RBM47: variants seen among roughly 807,000 people sequenced by gnomAD.
RBM47 encodes the protein RNA binding motif protein 47.
Under a neutral mutation model 47.1 loss-of-function variants are expected in RBM47, and 21 were observed. The observed-to-expected ratio is 0.45, with a 90% CI of 0.32 to 0.64. The LOEUF (loss-of-function observed/expected upper bound fraction) is 0.64. Among genes scored for constraint, RBM47 ranks in the 30% least tolerant of loss-of-function variants. RBM47 has a pLI of 0.05. For missense variants in RBM47, 708 were observed against 870.9 expected (o/e 0.81, Z 2.35); for synonymous variants, 375 against 361.7 (o/e 1.04, Z -0.42).
chr4:40,592,964 TATATATATATATATA>T (rs1358122333), intron 1 of RBM47, among the ~76,000 whole-genome samples: 18 of 17,170 alleles, frequency 1.0e-3, no homozygotes, highest in African/African-American at 3.2e-3. Flanking sequence ...TATATATATA[TATATATATATATATA>T]TTTTTTTTTT....
intron 2 of RBM47, among the ~76,000 whole-genome samples, chr4:40,497,935 G>A (rs1722830099): frequency 6.6e-6 from 1 of 150,752 alleles, no homozygotes; most frequent in South Asian, 2.1e-4. Flanking sequence ...AGGTTTCAGG[G>A]GGCCATGATC....
At chr4:40,499,610 G>A (rs1233814006) in intron 2 of RBM47, among the ~76,000 whole-genome samples, 1 of 152,024 alleles carries the variant, frequency 6.6e-6, no homozygotes, top group Admixed American at 6.6e-5. Flanking sequence ...GGGTTTCACC[G>A]TGTTGGCCAG....
At chr4:40,435,076 A>T (rs190847422) in intron 5 of RBM47, among the ~76,000 whole-genome samples, 7 of 152,184 alleles carry the variant, frequency 4.6e-5, no homozygotes, top group Admixed American at 1.3e-4. Context: ...GACCGGCCTC[A>T]CATTAGATGG....
chr4:40,575,506 C>G (rs1401124567), intron 1 of RBM47, among the ~76,000 whole-genome samples: 1 of 142,020 alleles, frequency 7.0e-6, no homozygotes, highest in African/African-American at 2.7e-5. Flanking sequence ...GAGTCGAGAT[C>G]GTGCCACTGC....
chr4:40,557,887 T>C (rs1351697083), intron 1 of RBM47, among the ~76,000 whole-genome samples: 2 of 152,242 alleles, frequency 1.3e-5, no homozygotes, highest in East Asian at 1.9e-4. Context: ...GCAATCCTAT[T>C]TGGCAATTTA....
chr4:40,493,800 A>T (rs1307446130), intron 2 of RBM47, among the ~76,000 whole-genome samples: 2 of 147,230 alleles, frequency 1.4e-5, no homozygotes, highest in Non-Finnish European at 3.0e-5. Context: ...TTAGATGGGC[A>T]TGGTGATGCA....
intron 2 of RBM47, among the ~76,000 whole-genome samples, chr4:40,497,377 G>A (rs918482414): frequency 1.3e-5 from 2 of 152,006 alleles, no homozygotes; most frequent in African/African-American, 4.8e-5. Context: ...CCAGCACTTT[G>A]AGAGGCCAAG....
rs570047304 is a variant in RBM47 at position 40,596,379 on chromosome 4, GTGCAGGCACATGTACCTATA to G, written c.-240+32997_-240+33016del. ...GAAGAGGTCTTTTATTCACTTCCTGGTGCAGGCACATGTACCTATATATTGCTCTTTCTGTAGCCAGATTA... is the reference window on the plus strand; with the variant it reads ...GAAGAGGTCTTTTATTCACTTCCTGGTATTGCTCTTTCTGTAGCCAGATTA... On this transcript the variant is annotated intron_variant, in intron 1 of 6. Transcript: ENST00000295971. 7.9e-5 allele frequency among the ~76,000 whole-genome samples: 12 copies of G among 152,260 alleles called. No homozygotes were observed. The East Asian group carries it at 2.3e-3, about 29-fold the overall frequency.
intron 2 of RBM47, among the ~76,000 whole-genome samples, chr4:40,529,022 A>G (rs1727081445): frequency 6.6e-6 from 1 of 152,052 alleles, no homozygotes; most frequent in Non-Finnish European, 1.5e-5. Context: ...GCCATCTCGT[A>G]TAACTCTGTA....
chr4:40,576,026 G>A (rs1465381320), intron 1 of RBM47, among the ~76,000 whole-genome samples: 1 of 152,194 alleles, frequency 6.6e-6, no homozygotes, highest in African/African-American at 2.4e-5. Context: ...CGCCACCCAA[G>A]GCAGGGTTCT....
At chr4:40,546,267 T>A (rs1257365230) in intron 1 of RBM47, among the ~76,000 whole-genome samples, 3 of 151,956 alleles carry the variant, frequency 2.0e-5, no homozygotes, top group Non-Finnish European at 4.4e-5. Flanking sequence ...TCTCCCACCT[T>A]AGCCTCCCAA....
chr4:40,526,694 C>T (rs546403671), intron 2 of RBM47, among the ~76,000 whole-genome samples: 1 of 151,688 alleles, frequency 6.6e-6, no homozygotes, highest in Non-Finnish European at 1.5e-5. Context: ...CTGCTTCGGC[C>T]TCCTGAGTAG....
chr4:40,545,640 G>A (rs1728958991), intron 1 of RBM47, among the ~76,000 whole-genome samples: 1 of 137,944 alleles, frequency 7.2e-6, no homozygotes, highest in African/African-American at 2.6e-5. Context: ...CTCCAGTCTG[G>A]GCAACAAGAG....
intron 2 of RBM47, among the ~76,000 whole-genome samples, chr4:40,471,255 A>G (rs1718818905): frequency 6.6e-6 from 1 of 152,178 alleles, no homozygotes; most frequent in African/African-American, 2.4e-5. Context: ...TAAGGATTAC[A>G]CAAGACACAA....
intron 3 of RBM47, among the ~76,000 whole-genome samples, chr4:40,439,656 C>T (rs747766487): frequency 4.6e-5 from 7 of 152,186 alleles, no homozygotes; most frequent in Non-Finnish European, 1.0e-4. Flanking sequence ...CCTGGTAAAC[C>T]ACACTATTGT....
intron 4 of RBM47, among the ~76,000 whole-genome samples, chr4:40,437,568 G>A (rs145913689): frequency 2.2e-3 from 341 of 152,232 alleles, no homozygotes; most frequent in Non-Finnish European, 2.9e-3. Flanking sequence ...ACCCCAGAAC[G>A]ATCTGTATTT....
In RBM47 at chr4:40,423,290, G is replaced by A. The variant is rs963493190; in HGVS notation, c.*2614C>T. On this transcript the variant is annotated 3_prime_UTR_variant, in exon 7 of 7. Transcript: ENST00000295971. Reference sequence around the variant, plus strand: ...AATAAGGTCTTGCGATTGCTTTAAAGAAAGCTTTATTTACTACATACATCC... The same window carrying A: ...AATAAGGTCTTGCGATTGCTTTAAAAAAAGCTTTATTTACTACATACATCC... 1.3e-5 allele frequency: 2 copies of A among 152,276 alleles called. No individual in the cohort carries two copies. The highest frequency in any genetic ancestry group is 4.8e-5 in the African/African-American group (2 of 41,564). 9.4% of individuals were successfully genotyped at this position (152,276 alleles called of 1,614,324 possible).
chr4:40,606,961 C>T (rs951277722), intron 1 of RBM47, among the ~76,000 whole-genome samples: 1 of 151,974 alleles, frequency 6.6e-6, no homozygotes, highest in African/African-American at 2.4e-5. Flanking sequence ...CCAGCCTGGG[C>T]AACTGAGCAA....
chr4:40,605,738 G>A (rs1735700664), intron 1 of RBM47, among the ~76,000 whole-genome samples: 1 of 151,958 alleles, frequency 6.6e-6, no homozygotes, highest in Non-Finnish European at 1.5e-5. Context: ...GGCTGAGGAA[G>A]GAGAATCACT....
Sources: gnomAD v4.1 joint callset for allele counts (sites outside exome capture counted in the v4.1 genomes callset) on GRCh38, gnomAD v4.1.1 for gene constraint, MANE v1.5 for transcripts, NCBI Gene and HGNC (gene_info 2026-07-23, HGNC 2026-07-21) for gene names.